Variants in SEPTIN9 observed in about 807,000 individuals in gnomAD.
SEPTIN9 encodes the protein septin-9.
A neutral mutation model predicts 56.6 loss-of-function variants in SEPTIN9; 13 were observed. The ratio of observed to expected loss-of-function variants is 0.23; its 90% confidence interval spans 0.15 to 0.37. SEPTIN9 has a LOEUF of 0.37. SEPTIN9 is among the 10% of genes least tolerant of loss of function. SEPTIN9 has a pLI of 1.00. For missense variants in SEPTIN9, 650 were observed against 823.1 expected, an observed-to-expected ratio of 0.79 and a Z score of 2.57; for synonymous variants, 332 against 334.1, an observed-to-expected ratio of 0.99 and a Z score of 0.07.
intron 3 of SEPTIN9, among the ~76,000 whole-genome samples, chr17:77,444,376 G>A (rs1240049899): frequency 6.6e-6 from 1 of 152,148 alleles, no homozygotes; most frequent in East Asian, 1.9e-4. Context: ...AGCAGTCATA[G>A]GGTGGAAACT....
intron 4 of SEPTIN9, among the ~76,000 whole-genome samples, chr17:77,484,589 GTAA>G (rs879620860): frequency 0.26 from 19,463 of 73,896 alleles, 3,390 homozygotes; most frequent in African/African-American, 0.49. Flanking sequence ...TATGATGGTG[GTAA>G]TTGTGATGGT....
intron 3 of SEPTIN9, among the ~76,000 whole-genome samples, chr17:77,418,348 C>T (rs1481942145): frequency 6.6e-6 from 1 of 150,808 alleles, no homozygotes; most frequent in Non-Finnish European, 1.5e-5. Context: ...CAGCTCTGCT[C>T]TTTTTTTTTC....
intron 2 of SEPTIN9, among the ~76,000 whole-genome samples, chr17:77,387,906 C>A (rs567477370): frequency 1.3e-5 from 2 of 150,854 alleles, no homozygotes; most frequent in African/African-American, 2.4e-5. Context: ...TTCCCGCCCC[C>A]CTTCACCAGC....
At chr17:77,309,264 G>A (rs1225365970) in intron 2 of SEPTIN9, among the ~76,000 whole-genome samples, 2 of 152,240 alleles carry the variant, frequency 1.3e-5, no homozygotes, top group East Asian at 1.9e-4. Flanking sequence ...TGGCAGCCAC[G>A]ATCACAGCTC....
rs2032317600 is a variant in SEPTIN9 at position 77,307,478 on chromosome 17, G to A, written c.76+281G>A. Among the ~76,000 whole-genome samples, 3 of 152,334 alleles carry A rather than the reference G, an allele frequency of 2.0e-5. No homozygotes were observed. In the South Asian group the frequency reaches 6.2e-4, roughly 32 times the overall value. On this transcript the variant is annotated intron_variant, in intron 2 of 11. Transcript: ENST00000427177. ...GTGTGCGGGACAGAGGAGAGAACAG[G>A]AGATAGATAGGGCTGGATGATTTGG...
At chr17:77,479,402 G>A (rs551011857) in intron 3 of SEPTIN9, among the ~76,000 whole-genome samples, 2 of 152,194 alleles carry the variant, frequency 1.3e-5, no homozygotes, top group African/African-American at 2.4e-5. Context: ...GTAGGAGAGC[G>A]AGGCGGGCTC....
intron 3 of SEPTIN9, chr17:77,446,226 GA>G (rs2037734281): frequency 6.0e-6 from 1 of 167,178 alleles, no homozygotes; most frequent in Non-Finnish European, 1.5e-5. Context: ...GGTGTTGGCA[GA>G]ATCCATTCCT....
chr17:77,402,249 C>T lies in SEPTIN9; in HGVS notation c.267C>T (p.Ser89=). 6.2e-7 allele frequency: 1 copy of T among 1,613,272 alleles called. No individual in the cohort carries two copies. Among genetic ancestry groups the T allele is most frequent in the Non-Finnish European group, 8.5e-7 (1 of 1,179,868 alleles). Residue 89 remains serine (S), a synonymous_variant, in exon 3 of 12, where the codon TCC becomes TCT. Transcript: ENST00000427177. This position sits in a 1 kb window ranked among gnomAD's most constrained non-coding sequence, Gnocchi z 6.6. ...DSLSQRSPKA[S]LRRVELSGPK... is the part of the protein sequence containing the mutation. ...TAAGCCAACGCTCCCCCAAGGCGTCCCTGCGGAGGGTGGAGCTCTCGGGCC... is the reference window on the plus strand; with the variant it reads ...TAAGCCAACGCTCCCCCAAGGCGTCTCTGCGGAGGGTGGAGCTCTCGGGCC...
At position 77,499,683 on chromosome 17, in the gene SEPTIN9, T is replaced by G; in HGVS notation, c.*1025T>G. The stretch of plus-strand genomic sequence containing the variant: ...ATGTGTATGCGTGTCCGTCTGTCTG[T>G]CTAGTGTCTGGGTTTGGCCCAAGAC... On this transcript the variant is annotated 3_prime_UTR_variant, in exon 12 of 12. Coordinates refer to ENST00000427177, the MANE Select transcript of SEPTIN9 (RefSeq NM_001113491.2). 2.5e-6 allele frequency: 1 copy of G among 404,902 alleles called. No homozygotes were observed. Among genetic ancestry groups the G allele is most frequent in the South Asian group, 2.4e-5 (1 of 41,448 alleles). 25.1% of individuals were successfully genotyped at this position (404,902 alleles called of 1,614,324 possible).
intron 2 of SEPTIN9, among the ~76,000 whole-genome samples, chr17:77,385,704 C>T (rs1003858040): frequency 1.3e-5 from 2 of 152,208 alleles, no homozygotes; most frequent in East Asian, 1.9e-4. Context: ...CTGGTTTTCT[C>T]GTGCTCCAGG....
intron 3 of SEPTIN9, among the ~76,000 whole-genome samples, chr17:77,406,394 G>T (rs1252795995): frequency 1.3e-5 from 2 of 151,694 alleles, no homozygotes; most frequent in African/African-American, 4.8e-5. Context: ...AATACCTCGT[G>T]TTTGGCTTGG....
In SEPTIN9 at chr17:77,421,278, A is replaced by G. The variant is rs2036692768; in HGVS notation, c.721+18575A>G. On this transcript the variant is annotated intron_variant, in intron 3 of 11. Coordinates refer to ENST00000427177, the MANE Select transcript of SEPTIN9 (RefSeq NM_001113491.2). This position sits in a 1 kb window ranked among gnomAD's most constrained non-coding sequence, Gnocchi z 4.6. The stretch of plus-strand genomic sequence containing the variant: ...GTCCCTCAGCTGCCCTGGATTTTGA[A>G]ATAAGACACCGCCCGTCTGTGGGGT... Among the ~76,000 whole-genome samples, 1 of 152,124 alleles carries G rather than the reference A, an allele frequency of 6.6e-6. No homozygotes were observed.
Position 77,325,138 on chromosome 17 carries a change from A to G in SEPTIN9, c.76+17941A>G, listed in dbSNP as rs536684089. ...CCAGGCTGATATGCAAATATTTTAA[A>G]CTTCTATGACGTTCCACTTTATCTA... On this transcript the variant is annotated intron_variant, in intron 2 of 11. Coordinates refer to ENST00000427177, the MANE Select transcript of SEPTIN9 (RefSeq NM_001113491.2). Among the ~76,000 whole-genome samples, 11 of 152,144 alleles carry G rather than the reference A, an allele frequency of 7.2e-5. No individual in the cohort carries two copies. In the South Asian group the frequency reaches 1.9e-3, roughly 26 times the overall value.
chr17:77,443,807 GA>G (rs945068039), intron 3 of SEPTIN9, among the ~76,000 whole-genome samples: 5 of 150,678 alleles, frequency 3.3e-5, no homozygotes, highest in African/African-American at 9.8e-5. Flanking sequence ...CAAAAAAAAA[GA>G]AAAAAAAGAA....
intron 2 of SEPTIN9, among the ~76,000 whole-genome samples, chr17:77,370,630 G>A (rs943951027): frequency 2.6e-5 from 4 of 152,228 alleles, no homozygotes; most frequent in African/African-American, 7.2e-5. Flanking sequence ...GACCGTGGAA[G>A]AATGCACCTT....
intron 3 of SEPTIN9, among the ~76,000 whole-genome samples, chr17:77,467,882 G>A (rs1218802209): frequency 6.6e-6 from 1 of 152,168 alleles, no homozygotes; most frequent in Non-Finnish European, 1.5e-5. Context: ...CATTCACAGC[G>A]TCTTACTGGG....
intron 3 of SEPTIN9, among the ~76,000 whole-genome samples, chr17:77,413,450 C>G (rs762634206): frequency 6.6e-6 from 1 of 152,092 alleles, no homozygotes; most frequent in African/African-American, 2.4e-5. Context: ...TGCTTTAGCT[C>G]GCTTAGTGAG....
chr17:77,436,027 G>A lies in SEPTIN9; in HGVS notation c.721+33324G>A, dbSNP rs1251656687. ...CGCGTGTTCTCTTGGCCTCAGCCTC[G>A]TGTGTGTGTTTATGCATGGGTACTT... is the stretch of plus-strand genomic sequence containing the variant. On this transcript the variant is annotated intron_variant, in intron 3 of 11. Coordinates refer to ENST00000427177, the MANE Select transcript of SEPTIN9 (RefSeq NM_001113491.2). The surrounding 1 kb of genome is among the most constrained non-coding windows in gnomAD (Gnocchi z 4.4). Among the ~76,000 whole-genome samples, 2 of 152,194 alleles carry A rather than the reference G, an allele frequency of 1.3e-5. No individual in the cohort carries two copies. The highest frequency in any genetic ancestry group is 1.9e-4 in the East Asian group (1 of 5,186).
intron 3 of SEPTIN9, chr17:77,446,948 T>C (rs1314119142): frequency 1.2e-5 from 2 of 167,160 alleles, no homozygotes; most frequent in African/African-American, 4.8e-5. Context: ...AATTTGCCAT[T>C]AGTAACACTG....
Sources: gnomAD v4.1 joint callset for allele counts (sites outside exome capture counted in the v4.1 genomes callset) on GRCh38, gnomAD v4.1.1 for gene constraint, Gnocchi (gnomAD v3.1) non-coding constraint, MANE v1.5 for transcripts, NCBI Gene and HGNC (gene_info 2026-07-23, HGNC 2026-07-21) for gene names.